The following PLXNC1 variants were observed in gnomAD, a reference collection of about 807,000 sequenced individuals.
PLXNC1 encodes plexin C1, also known as plexin-C1.
In PLXNC1, 75 loss-of-function variants were observed where a neutral mutation model predicts 178.2. That is an observed-to-expected ratio of 0.42 (90% CI 0.35 to 0.51). The LOEUF (loss-of-function observed/expected upper bound fraction) is 0.51. PLXNC1 is among the 20% of genes least tolerant of loss of function. The pLI is 0.02. For missense variants in PLXNC1, 1,503 were observed against 1,984.4 expected (o/e 0.76, Z 4.61); for synonymous variants, 790 against 779.9 (o/e 1.01, Z -0.22).
intron 20 of PLXNC1, among the ~76,000 whole-genome samples, chr12:94,263,999 G>A (rs377143858): frequency 3.3e-5 from 5 of 152,226 alleles, no homozygotes; most frequent in Admixed American, 6.5e-5. Flanking sequence ...CCAGCTGGAC[G>A]TATCGCTTGT....
Position 94,158,821 on chromosome 12 carries a change from C to T in PLXNC1, c.1062+8788C>T, listed in dbSNP as rs551393400. Among the ~76,000 whole-genome samples, 234 of 152,222 alleles carry T rather than the reference C, an allele frequency of 1.5e-3. 1 individual carries two copies. The highest frequency in any genetic ancestry group is 5.2e-3 in the African/African-American group (218 of 41,528). On this transcript the variant is annotated intron_variant, in intron 1 of 30. Transcript: ENST00000258526. ...TCTTTTTGTAAGACCAATTACCAAG[C>T]GCTGGGAACATGGGAGGAAGCAGGG... is the stretch of plus-strand genomic sequence containing the variant.
chr12:94,259,813 C>A, intron 19 of PLXNC1, 79 bp downstream of exon 19: 1 of 1,330,626 alleles, frequency 7.5e-7, no homozygotes. Flanking sequence ...GCTGTAATCC[C>A]AGCATTTTGG....
Position 94,149,064 on chromosome 12 carries a change from C to G in PLXNC1, c.93C>G (p.Pro31=). ...LLAYLLALAA[P]GRGADEPVWR... is the part of the protein sequence containing the mutation. ...CCTATCTGCTGGCACTGGCGGCTCC[C>G]GGCCGGGGCGCGGACGAGCCCGTGT... Residue 31 remains proline (P), a synonymous_variant, in exon 1 of 31, where the codon CCC becomes CCG. Coordinates refer to ENST00000258526, the MANE Select transcript of PLXNC1 (RefSeq NM_005761.3). The G allele has an allele frequency of 6.4e-7, 1 of 1,552,438 alleles. No homozygotes were observed. Among genetic ancestry groups the G allele is most frequent in the African/African-American group, 1.4e-5 (1 of 71,026 alleles).
intron 4 of PLXNC1, among the ~76,000 whole-genome samples, chr12:94,202,046 A>G (rs1963145807): frequency 6.6e-6 from 1 of 152,064 alleles, no homozygotes. Context: ...GGCATAAGCC[A>G]CTAGCACTGG....
chr12:94,161,357 G>A (rs548881418), intron 1 of PLXNC1, among the ~76,000 whole-genome samples: 2 of 152,256 alleles, frequency 1.3e-5, no homozygotes, highest in South Asian at 2.1e-4. Context: ...ATGGGTGGGT[G>A]GATGAGTGGA....
intron 5 of PLXNC1, among the ~76,000 whole-genome samples, chr12:94,210,284 C>T (rs1200660481): frequency 6.6e-6 from 1 of 152,180 alleles, no homozygotes; most frequent in Non-Finnish European, 1.5e-5. Flanking sequence ...CTTGACAACA[C>T]ATCAGTCCTG....
At chr12:94,242,856 G>A (rs953833804) in intron 11 of PLXNC1, among the ~76,000 whole-genome samples, 1 of 152,202 alleles carries the variant, frequency 6.6e-6, no homozygotes, top group African/African-American at 2.4e-5. Flanking sequence ...GAGGAAAAGG[G>A]TTCAAACAAC....
At chr12:94,210,720 AAGTTATTTG>A (rs1174998692) in intron 5 of PLXNC1, among the ~76,000 whole-genome samples, 3 of 152,224 alleles carry the variant, frequency 2.0e-5, no homozygotes, top group Non-Finnish European at 2.9e-5. Flanking sequence ...AACAGATTTA[AAGTTATTTG>A]GCTGTTGTCA....
At chr12:94,201,874 C>T (rs1449245141) in intron 4 of PLXNC1, among the ~76,000 whole-genome samples, 5 of 146,856 alleles carry the variant, frequency 3.4e-5, no homozygotes, top group African/African-American at 1.3e-4. Flanking sequence ...TCAAGCAATT[C>T]TCGTGCCTCA....
At chr12:94,154,430 T>C (rs540601283) in intron 1 of PLXNC1, among the ~76,000 whole-genome samples, 17 of 152,352 alleles carry the variant, frequency 1.1e-4, no homozygotes, top group Admixed American at 9.8e-4. Flanking sequence ...GCATTTTCTA[T>C]GGGTCAAGTA....
chr12:94,245,813 G>A (rs1484645729), intron 12 of PLXNC1, among the ~76,000 whole-genome samples: 2 of 152,158 alleles, frequency 1.3e-5, no homozygotes, highest in Non-Finnish European at 2.9e-5. Flanking sequence ...AAGAGCGATA[G>A]CTGTAAAACT....
At chr12:94,158,786 T>C (rs1961270456) in intron 1 of PLXNC1, among the ~76,000 whole-genome samples, 1 of 152,156 alleles carries the variant, frequency 6.6e-6, no homozygotes, top group Admixed American at 6.5e-5. Flanking sequence ...AAAATTATCA[T>C]TGACTTGGTT....
At chr12:94,150,071 T>A in intron 1 of PLXNC1, 38 bp downstream of exon 1, 1 of 1,465,376 alleles carries the variant, frequency 6.8e-7, no homozygotes, top group Non-Finnish European at 9.1e-7. Flanking sequence ...AGAGCGCTGC[T>A]GCCGGGGAGC....
At chr12:94,274,638 T>G (rs1965805555) in intron 21 of PLXNC1, among the ~76,000 whole-genome samples, 1 of 152,234 alleles carries the variant, frequency 6.6e-6, no homozygotes, top group Admixed American at 6.5e-5. Flanking sequence ...TCACAGCTCT[T>G]TAGCCTTTCA....
At chr12:94,246,516 G>C (rs1317411545) in intron 12 of PLXNC1, among the ~76,000 whole-genome samples, 1 of 152,218 alleles carries the variant, frequency 6.6e-6, no homozygotes, top group Non-Finnish European at 1.5e-5. Flanking sequence ...ATGACAGACA[G>C]TAGGATGGGC....
intron 3 of PLXNC1, among the ~76,000 whole-genome samples, chr12:94,185,041 C>A (rs1326291291): frequency 6.6e-6 from 1 of 152,196 alleles, no homozygotes; most frequent in South Asian, 2.1e-4. Context: ...TTCATAATAA[C>A]CCCATGAAGT....
chr12:94,215,149 C>A (rs957084098), intron 5 of PLXNC1, among the ~76,000 whole-genome samples: 1 of 152,202 alleles, frequency 6.6e-6, no homozygotes, highest in Non-Finnish European at 1.5e-5. Context: ...CTGCCCGCCT[C>A]GGCCTCCCAA....
chr12:94,154,760 G>T (rs916238977), intron 1 of PLXNC1, among the ~76,000 whole-genome samples: 3 of 152,224 alleles, frequency 2.0e-5, no homozygotes, highest in African/African-American at 7.2e-5. Flanking sequence ...ACCACCTGAA[G>T]TTCTGACTCT....
intron 9 of PLXNC1, among the ~76,000 whole-genome samples, chr12:94,227,734 C>T (rs899446929): frequency 6.6e-6 from 1 of 152,180 alleles, no homozygotes; most frequent in African/African-American, 2.4e-5. Context: ...CGCCTTCTCA[C>T]AAGCAGTTAT....
Sources: allele counts gnomAD v4.1 joint callset (sites outside exome capture counted in the v4.1 genomes callset), GRCh38; gene constraint gnomAD v4.1.1; transcripts MANE v1.5; gene names NCBI Gene and HGNC (gene_info 2026-07-23, HGNC 2026-07-21).